Variants in MAD1L1 observed in about 807,000 individuals in gnomAD.
MAD1L1 encodes mitotic arrest deficient 1 like 1.
A neutral mutation model predicts 96.9 loss-of-function variants in MAD1L1; 95 were observed. That is an observed-to-expected ratio of 0.98 (90% CI 0.83 to 1.16). MAD1L1 has a LOEUF of 1.16. Ranked by LOEUF, MAD1L1 falls within the 50% of genes most tolerant of loss-of-function variation. MAD1L1 has a pLI of 0.00. For missense variants in MAD1L1, 1,007 were observed against 954.4 expected, an observed-to-expected ratio of 1.06 and a Z score of -0.73; for synonymous variants, 473 against 396.6, an observed-to-expected ratio of 1.19 and a Z score of -2.29.
chr7:2,078,371 G>A (rs1367642991), intron 11 of MAD1L1, among the ~76,000 whole-genome samples: 1 of 152,216 alleles, frequency 6.6e-6, no homozygotes, highest in Non-Finnish European at 1.5e-5. Context: ...CGCTGCGAAT[G>A]GGCAGGGGAG....
At chr7:2,227,400 C>T (rs1793958822) in intron 3 of MAD1L1, among the ~76,000 whole-genome samples, 3 of 152,140 alleles carry the variant, frequency 2.0e-5, no homozygotes, top group Admixed American at 2.0e-4. Context: ...CAGTGGGGTC[C>T]AGTTTTGCCC....
At chr7:1,944,402 C>A (rs1005531840) in intron 16 of MAD1L1, among the ~76,000 whole-genome samples, 1 of 152,120 alleles carries the variant, frequency 6.6e-6, no homozygotes, top group Non-Finnish European at 1.5e-5. Context: ...AAATGGCGGG[C>A]CGGGTGGGGA....
chr7:1,870,350 CTGCCATGCTGAACCCAACATACGCT>C (rs1231615603), intron 18 of MAD1L1, among the ~76,000 whole-genome samples: 47 of 142,846 alleles, frequency 3.3e-4, no homozygotes, highest in African/African-American at 1.2e-3. Context: ...ACCGTAACAC[CTGCCATGCTGAACCCAACATACGCT>C]TGCCATGCTG....
At chr7:1,935,920 G>T (rs1290318154) in intron 17 of MAD1L1, among the ~76,000 whole-genome samples, 1 of 152,254 alleles carries the variant, frequency 6.6e-6, no homozygotes, top group African/African-American at 2.4e-5. Context: ...TGCTGCTAAG[G>T]GCTGGACAGG....
At chr7:2,157,642 C>G (rs951614952) in intron 10 of MAD1L1, among the ~76,000 whole-genome samples, 8 of 152,080 alleles carry the variant, frequency 5.3e-5, no homozygotes, top group African/African-American at 1.9e-4. Flanking sequence ...GAAGAGAGGG[C>G]TGGAGCTCCA....
intron 10 of MAD1L1, among the ~76,000 whole-genome samples, chr7:2,179,644 G>C (rs1791102313): frequency 6.6e-6 from 1 of 151,826 alleles, no homozygotes; most frequent in Non-Finnish European, 1.5e-5. Context: ...TGACCCATCT[G>C]GGTCACTTAC....
intron 12 of MAD1L1, among the ~76,000 whole-genome samples, chr7:2,032,048 A>T (rs1002581136): frequency 7.2e-5 from 11 of 152,254 alleles, no homozygotes; most frequent in Non-Finnish European, 1.6e-4. Flanking sequence ...ACCGACGGGT[A>T]ACAGGCAGGC....
intron 18 of MAD1L1, among the ~76,000 whole-genome samples, chr7:1,864,061 C>T (rs534338047): frequency 3.1e-4 from 47 of 152,296 alleles, no homozygotes; most frequent in African/African-American, 1.1e-3. Context: ...CCACTGCACT[C>T]CAGCCTGGGC....
At chr7:2,009,136 G>A (rs950532903) in intron 13 of MAD1L1, among the ~76,000 whole-genome samples, 25 of 152,198 alleles carry the variant, frequency 1.6e-4, no homozygotes, top group African/African-American at 4.6e-4. Flanking sequence ...GGGTGGCTAC[G>A]TGTGCTGAGA....
At chr7:2,092,624 T>C (rs943392899) in intron 11 of MAD1L1, among the ~76,000 whole-genome samples, 1 of 152,212 alleles carries the variant, frequency 6.6e-6, no homozygotes, top group African/African-American at 2.4e-5. Context: ...ATTTTGCCCA[T>C]CTTTCAATTA....
In MAD1L1 at chr7:2,088,210, C is replaced by T. The variant is rs893319145; in HGVS notation, c.1074-18872G>A. On this transcript the variant is annotated intron_variant, in intron 11 of 18. Coordinates refer to ENST00000265854, the MANE Select transcript of MAD1L1 (RefSeq NM_001013836.2). This position sits in a 1 kb window ranked among gnomAD's most constrained non-coding sequence, Gnocchi z 4.4. ...GGCAGCAAAGCGACCTTGGATCACA[C>T]ATCGCGCCTCTTCACGCCTCCTCAC... 1.3e-5 allele frequency among the ~76,000 whole-genome samples: 2 copies of T among 152,208 alleles called. No homozygotes were observed. The highest frequency in any genetic ancestry group is 2.9e-5 in the Non-Finnish European group (2 of 68,034).
chr7:1,989,767 C>T (rs537411837), intron 14 of MAD1L1, among the ~76,000 whole-genome samples: 3 of 152,342 alleles, frequency 2.0e-5, no homozygotes, highest in Non-Finnish European at 2.9e-5. Context: ...GGCCCGGCTT[C>T]GGCATGGCCC....
chr7:1,906,751 G>A (rs958800121), intron 17 of MAD1L1, among the ~76,000 whole-genome samples: 1 of 152,238 alleles, frequency 6.6e-6, no homozygotes, highest in East Asian at 1.9e-4. Context: ...CGACGGGTGC[G>A]TGTTGAACAC....
At chr7:1,940,974 C>CCCTCCTCCTCCTCTCCCAGGCCTCAG (rs1778948418) in intron 16 of MAD1L1, among the ~76,000 whole-genome samples, 1 of 114,140 alleles carries the variant, frequency 8.8e-6, no homozygotes, top group Non-Finnish European at 1.9e-5. Context: ...GCAGGCCTCA[C>CCCTCCTCCTCCTCTCCCAGGCCTCAG]CCTCCTCTTC....
chr7:2,020,333 C>A (rs142361297), intron 12 of MAD1L1, among the ~76,000 whole-genome samples: 9 of 152,224 alleles, frequency 5.9e-5, no homozygotes, highest in Non-Finnish European at 1.3e-4. Context: ...ACAGCCCCAG[C>A]GTGACCCCAG....
chr7:1,920,823 C>T (rs920306668), intron 17 of MAD1L1, among the ~76,000 whole-genome samples: 6 of 152,256 alleles, frequency 3.9e-5, no homozygotes, highest in South Asian at 2.1e-4. Flanking sequence ...CACCCCATAA[C>T]GATGCACGAA....
chr7:2,086,364 G>C (rs1785918528), intron 11 of MAD1L1, among the ~76,000 whole-genome samples: 1 of 152,184 alleles, frequency 6.6e-6, no homozygotes, highest in Non-Finnish European at 1.5e-5. Context: ...AGTCCTTATG[G>C]CATGGTAATT....
intron 10 of MAD1L1, among the ~76,000 whole-genome samples, chr7:2,162,313 T>C (rs1021442938): frequency 9.2e-5 from 14 of 152,210 alleles, no homozygotes; most frequent in African/African-American, 3.4e-4. Flanking sequence ...CTCTGAAACA[T>C]GTGCTGTGTC....
intron 18 of MAD1L1, among the ~76,000 whole-genome samples, chr7:1,868,147 C>T (rs376817420): frequency 4.6e-5 from 7 of 152,194 alleles, no homozygotes; most frequent in East Asian, 1.9e-4. Flanking sequence ...GCACTGTGGC[C>T]CCCCAGACAC....
Sources: gnomAD v4.1 joint callset for allele counts (sites outside exome capture counted in the v4.1 genomes callset) on GRCh38, gnomAD v4.1.1 for gene constraint, Gnocchi (gnomAD v3.1) non-coding constraint, MANE v1.5 for transcripts, NCBI Gene and HGNC (gene_info 2026-07-23, HGNC 2026-07-21) for gene names.